The following MORN5 variants were observed in gnomAD, a reference collection of about 807,000 sequenced individuals.
MORN5 encodes the protein MORN repeat-containing protein 5.
A neutral mutation model predicts 22.1 loss-of-function variants in MORN5; 21 were observed. The observed-to-expected ratio is 0.95, with a 90% CI of 0.67 to 1.37. MORN5 has a LOEUF of 1.37. Ranked by LOEUF, MORN5 falls within the 40% of genes most tolerant of loss-of-function variation. The pLI, the probability that MORN5 is intolerant of heterozygous loss-of-function variation, is 0.00. For synonymous variants in MORN5, 73 were observed against 74.0 expected, an observed-to-expected ratio of 0.99 and a Z score of 0.07; for missense variants, 211 against 215.1, an observed-to-expected ratio of 0.98 and a Z score of 0.12.
At chr9:122,174,367 AG>A in intron 3 of MORN5, 128 bp from the exon 4 acceptor site, 1 of 1,018,420 alleles carries the variant, frequency 9.8e-7, no homozygotes, top group Non-Finnish European at 1.4e-6. Flanking sequence ...TGCCCTGAGT[AG>A]GGGGTATTTA....
chr9:122,173,695 G>T (rs1313456292), intron 3 of MORN5, among the ~76,000 whole-genome samples: 2 of 152,146 alleles, frequency 1.3e-5, no homozygotes, highest in Non-Finnish European at 2.9e-5. Context: ...TGACCTAAAA[G>T]GTGCACTCAA....
intron 2 of MORN5, among the ~76,000 whole-genome samples, chr9:122,168,853 G>A (rs1829325199): frequency 6.6e-6 from 1 of 152,118 alleles, no homozygotes; most frequent in Non-Finnish European, 1.5e-5. Flanking sequence ...TTAGGGATTG[G>A]CTCACAAGAT....
chr9:122,175,879 C>A (rs1215018169), intron 4 of MORN5, among the ~76,000 whole-genome samples: 1 of 151,998 alleles, frequency 6.6e-6, no homozygotes, highest in Non-Finnish European at 1.5e-5. Flanking sequence ...CTTTGGGAGG[C>A]CGAGGAGGGC....
chr9:122,188,307 G>A (rs781438822), intron 4 of MORN5, among the ~76,000 whole-genome samples: 2 of 152,150 alleles, frequency 1.3e-5, no homozygotes, highest in Non-Finnish European at 2.9e-5. Context: ...GGGTAAGCTC[G>A]GGAAGACACC....
At chr9:122,192,605 A>T (rs553202444) in intron 4 of MORN5, among the ~76,000 whole-genome samples, 3 of 152,358 alleles carry the variant, frequency 2.0e-5, no homozygotes, top group Admixed American at 1.3e-4. Context: ...GACCCGGCAC[A>T]GCTGTGCCCT....
At chr9:122,199,003 T>G (rs1229559796) in intron 4 of MORN5, among the ~76,000 whole-genome samples, 2 of 151,714 alleles carry the variant, frequency 1.3e-5, no homozygotes. Flanking sequence ...TGTAGGTCCC[T>G]GCAGTGGTGG....
At chr9:122,178,143 T>G (rs376250415) in intron 4 of MORN5, among the ~76,000 whole-genome samples, 3 of 152,224 alleles carry the variant, frequency 2.0e-5, no homozygotes, top group South Asian at 4.1e-4. Flanking sequence ...AAGGATCTCT[T>G]GAGCCCAGGA....
At chr9:122,166,561 G>A (rs1259066230) in intron 1 of MORN5, among the ~76,000 whole-genome samples, 1 of 152,068 alleles carries the variant, frequency 6.6e-6, no homozygotes, top group Non-Finnish European at 1.5e-5. Context: ...TAGGTGAAGG[G>A]GAGAATGAAC....
At position 122,169,643 on chromosome 9, in the gene MORN5, A is replaced by T; in HGVS notation, c.196-2A>T. The T allele has an allele frequency of 1.2e-6, 2 of 1,607,258 alleles. No individual in the cohort carries two copies. The highest frequency in any genetic ancestry group is 2.2e-5 in the South Asian group (2 of 90,954). On this transcript the variant is annotated splice_acceptor_variant, in intron 2 of 4. Transcript: ENST00000373764. LOFTEE classifies it high-confidence loss of function. The stretch of plus-strand genomic sequence containing the variant: ...TGCACGTGTGTGCTCCTTGTCTTCC[A>T]GGGCACATATACGTTCTCAGATGGG...
intron 3 of MORN5, 62 bp from the exon 4 acceptor site, chr9:122,174,434 G>A: frequency 7.6e-6 from 12 of 1,588,594 alleles, no homozygotes; most frequent in Non-Finnish European, 1.0e-5. Flanking sequence ...TGGACCTTAT[G>A]GGAACACTGG....
intron 4 of MORN5, among the ~76,000 whole-genome samples, chr9:122,198,349 A>G (rs865810129): frequency 2.2e-4 from 34 of 152,140 alleles, no homozygotes; most frequent in African/African-American, 8.0e-4. Flanking sequence ...CCTTGTTCCC[A>G]AGCATCTGCC....
chr9:122,174,835 G>A (rs1268317903), intron 4 of MORN5: 7 of 1,398,388 alleles, frequency 5.0e-6, no homozygotes, highest in Non-Finnish European at 4.7e-6. Context: ...AAGCACATTC[G>A]TGGTCTAGCA....
At chr9:122,185,562 G>A (rs10985561) in intron 4 of MORN5, among the ~76,000 whole-genome samples, 103,676 of 145,222 alleles carry the variant, frequency 0.71, 37,015 homozygotes, top group Admixed American at 0.76. Context: ...GGGTTTCACC[G>A]TGTTAGCCAG....
intron 4 of MORN5, among the ~76,000 whole-genome samples, chr9:122,186,333 C>G (rs1829638626): frequency 6.6e-6 from 1 of 152,186 alleles, no homozygotes; most frequent in Non-Finnish European, 1.5e-5. Flanking sequence ...ACCCAGGTCC[C>G]TCTGACACCA....
chr9:122,175,266 C>T (rs960358606), intron 4 of MORN5, among the ~76,000 whole-genome samples: 10 of 152,010 alleles, frequency 6.6e-5, no homozygotes, highest in Non-Finnish European at 1.5e-4. Context: ...GGTTTCCCAG[C>T]GAGAGGAAAT....
intron 4 of MORN5, among the ~76,000 whole-genome samples, chr9:122,177,080 C>T (rs1001248858): frequency 6.6e-6 from 1 of 152,210 alleles, no homozygotes; most frequent in South Asian, 2.1e-4. Context: ...GGACCTGCAA[C>T]CCAGATCCCT....
chr9:122,160,720 T>C (rs1328508616), intron 1 of MORN5, among the ~76,000 whole-genome samples: 1 of 152,066 alleles, frequency 6.6e-6, no homozygotes, highest in Non-Finnish European at 1.5e-5. Flanking sequence ...GCTCAAACAA[T>C]CTTCCCACCT....
At chr9:122,167,038 T>A in intron 2 of MORN5, 123 bp downstream of exon 2, 3 of 859,372 alleles carry the variant, frequency 3.5e-6, no homozygotes, top group South Asian at 2.4e-5. Context: ...TCTCTTTGCT[T>A]CTCCCCCACT....
chr9:122,166,768 G>A lies in MORN5; in HGVS notation c.48G>A (p.Arg16=). ...SKYIGEYVDG[R]MEGKAKYILP... is the part of the protein sequence containing the mutation. ...CAGTGATTTCCCTGTGTCTTTACAGGATGGAGGGCAAAGCCAAGTACATCC... is the reference window on the plus strand; with the variant it reads ...CAGTGATTTCCCTGTGTCTTTACAGAATGGAGGGCAAAGCCAAGTACATCC... Residue 16 remains arginine, a splice_region_variant and synonymous_variant, in exon 2 of 5, where the codon AGG becomes AGA. Coordinates refer to ENST00000373764, the MANE Select transcript of MORN5 (RefSeq NM_198469.4). 6.2e-7 allele frequency: 1 copy of A among 1,613,150 alleles called. No individual in the cohort carries two copies. Among genetic ancestry groups the A allele is most frequent in the African/African-American group, 1.3e-5 (1 of 75,012 alleles).
Sources: gnomAD v4.1 joint callset for allele counts (sites outside exome capture counted in the v4.1 genomes callset) on GRCh38, gnomAD v4.1.1 for gene constraint, MANE v1.5 for transcripts, NCBI Gene and HGNC (gene_info 2026-07-23, HGNC 2026-07-21) for gene names.